C8B: variants seen among roughly 807,000 people sequenced by gnomAD.
C8B encodes complement component C8 beta chain.
Under a neutral mutation model 64.6 loss-of-function variants are expected in C8B, and 67 were observed. The observed-to-expected ratio is 1.04, with a 90% confidence interval of 0.85 to 1.27. The LOEUF (loss-of-function observed/expected upper bound fraction) is 1.27, where lower values mean the gene tolerates loss of function less well. Ranked by LOEUF, C8B falls within the 50% of genes most tolerant of loss-of-function variation. The pLI is 0.00. For missense variants in C8B, 790 were observed against 725.2 expected (o/e 1.09, Z -1.03); for synonymous variants, 284 against 257.7 (o/e 1.10, Z -0.98).
chr1:56,934,626 T>C (rs1001256379), intron 9 of C8B, among the ~76,000 whole-genome samples: 2 of 152,174 alleles, frequency 1.3e-5, no homozygotes, highest in African/African-American at 4.8e-5. Context: ...GAAGCCTCCC[T>C]TGGGAAGAAA....
chr1:56,951,089 A>G (rs1645014353), intron 5 of C8B, among the ~76,000 whole-genome samples: 1 of 152,144 alleles, frequency 6.6e-6, no homozygotes, highest in South Asian at 2.1e-4. Flanking sequence ...TGCAATAAAT[A>G]CATTTTAAAG....
chr1:56,957,044 C>T, intron 2 of C8B, 134 bp from the exon 3 acceptor site: 1 of 911,420 alleles, frequency 1.1e-6, no homozygotes, highest in South Asian at 1.4e-5. Flanking sequence ...TCATCATTCC[C>T]CCAGCCCCTT....
chr1:56,952,025 A>G (rs200183471), intron 5 of C8B, 23 bp downstream of exon 5: 429 of 1,613,354 alleles, frequency 2.7e-4, no homozygotes, highest in Non-Finnish European at 1.7e-4. Context: ...GGCTCCCTCC[A>G]CTGCTACCTG....
chr1:56,956,559 A>T (rs1314953803), intron 3 of C8B, among the ~76,000 whole-genome samples: 1 of 152,210 alleles, frequency 6.6e-6, no homozygotes, highest in Non-Finnish European at 1.5e-5. Context: ...TTTTTAAGGT[A>T]TATAATGAGG....
At chr1:56,933,117 G>C (rs1041163275) in intron 10 of C8B, among the ~76,000 whole-genome samples, 4 of 152,142 alleles carry the variant, frequency 2.6e-5, no homozygotes, top group African/African-American at 9.7e-5. Context: ...CCTTGCTGTG[G>C]ACCACAGGAT....
At chr1:56,963,613 A>C (rs1645210739) in intron 1 of C8B, among the ~76,000 whole-genome samples, 1 of 152,050 alleles carries the variant, frequency 6.6e-6, no homozygotes, top group Non-Finnish European at 1.5e-5. Flanking sequence ...GGGACAACGC[A>C]TTAGTGAGAA....
chr1:56,929,538 A>C lies in C8B; in HGVS notation c.1642T>G (p.Trp548Gly), dbSNP rs2101343704. Residue 548 changes from tryptophan (W) to glycine (G), a missense_variant, in exon 12 of 12, where the codon TGG (tryptophan) becomes GGG (glycine). Transcript: ENST00000371237. ...YRKNTPIDGK[W>G]NCWSNWSSCS... Reference sequence around the variant, plus strand: ...GAAGACCAATTTGACCAGCAATTCCACTTCCCATCAATGGGGGTATCTATA... The same window carrying C: ...GAAGACCAATTTGACCAGCAATTCCCCTTCCCATCAATGGGGGTATCTATA... 1.2e-6 allele frequency: 2 copies of C among 1,613,884 alleles called. No homozygotes were observed. The highest frequency in any genetic ancestry group is 1.7e-6 in the Non-Finnish European group (2 of 1,179,830).
chr1:56,931,718 T>A lies in C8B; in HGVS notation c.1621+92A>T, dbSNP rs1644703682. 20 of 817,062 alleles carry A rather than the reference T, an allele frequency of 2.4e-5. 1 individual carries two copies. In the South Asian group the frequency reaches 2.8e-4, roughly 12 times the overall value. The allele number at this position is 817,062 out of a possible 1,614,324, so 50.6% of individuals were successfully genotyped here. A position where few individuals can be genotyped will look rare whatever the true frequency, so the allele number is the denominator to read the frequency against. The stretch of plus-strand genomic sequence containing the variant: ...GCAGGATGGATCTCAGGTTTCCTAG[T>A]ATCCAGCCCCACACTCCACACCAGC... On this transcript the variant is annotated intron_variant, in intron 11 of 11. Transcript: ENST00000371237.
chr1:56,952,819 A>G (rs1175119699), intron 4 of C8B, among the ~76,000 whole-genome samples: 1 of 152,052 alleles, frequency 6.6e-6, no homozygotes, highest in Non-Finnish European at 1.5e-5. Flanking sequence ...TGAAAATACT[A>G]CCTCATGGGG....
At chr1:56,956,931 G>A in intron 2 of C8B, 21 bp from the exon 3 acceptor site, 5 of 1,613,832 alleles carry the variant, frequency 3.1e-6, no homozygotes, top group South Asian at 1.1e-5. Flanking sequence ...GAGGAGCCAG[G>A]TGAACCAAGG....
intron 2 of C8B, among the ~76,000 whole-genome samples, chr1:56,959,131 T>C (rs1645141641): frequency 6.6e-6 from 1 of 152,226 alleles, no homozygotes; most frequent in African/African-American, 2.4e-5. Flanking sequence ...ATTTATCTGC[T>C]CTGATTTCCT....
chr1:56,930,508 G>A (rs1389321291), intron 11 of C8B, among the ~76,000 whole-genome samples: 10 of 152,202 alleles, frequency 6.6e-5, no homozygotes, highest in Non-Finnish European at 4.4e-5. Flanking sequence ...GACTCACTGG[G>A]AAGATGACTG....
intron 3 of C8B, among the ~76,000 whole-genome samples, chr1:56,955,654 C>G (rs1645092016): frequency 6.6e-6 from 1 of 152,200 alleles, no homozygotes; most frequent in East Asian, 1.9e-4. Flanking sequence ...AAATAACCAT[C>G]ATGGCTTTCA....
intron 2 of C8B, among the ~76,000 whole-genome samples, 186 bp downstream of exon 2, chr1:56,959,834 C>G (rs1645151843): frequency 6.6e-6 from 1 of 152,172 alleles, no homozygotes; most frequent in Non-Finnish European, 1.5e-5. Flanking sequence ...TTGGAAAACA[C>G]TGGAGAACCA....
In C8B at chr1:56,929,552, G is replaced by A. The variant is rs746509547; in HGVS notation, c.1628C>T (p.Pro543Leu). Reference sequence around the variant, plus strand: ...CCAGCAATTCCACTTCCCATCAATGGGGGTATCTATAAGAAAGAAGGTCAA... The same window carrying A: ...CCAGCAATTCCACTTCCCATCAATGAGGGTATCTATAAGAAAGAAGGTCAA... ...ACEVSYRKNTPIDGKWNCWSN... is the reference protein window; with the variant it reads ...ACEVSYRKNTLIDGKWNCWSN... Residue 543 changes from proline (P) to leucine (L), a missense_variant, in exon 12 of 12, where the codon CCC (proline) becomes CTC (leucine). Pro to Leu is a moderately conservative substitution (Grantham distance 98). Transcript: ENST00000371237. 3 of 1,613,762 alleles carry A rather than the reference G, an allele frequency of 1.9e-6. No homozygotes were observed. The highest frequency in any genetic ancestry group is 2.2e-5 in the East Asian group (1 of 44,854).
At chr1:56,943,577 A>T (rs1644896381) in intron 8 of C8B, 119 bp downstream of exon 8, 1 of 1,145,168 alleles carries the variant, frequency 8.7e-7, no homozygotes, top group African/African-American at 1.5e-5. Flanking sequence ...AGAAGGACAT[A>T]GTTGGCCTAG....
chr1:56,943,755 A>G lies in C8B; in HGVS notation c.1175T>C (p.Val392Ala). ...TACAGACACACCCAGACTGACGTAG[A>G]CCTCTTCAATGGCACCACCAATTTT... ...DFKIGGAIEEVYVSLGVSVGK... is the reference protein window; with the variant it reads ...DFKIGGAIEEAYVSLGVSVGK... Residue 392 changes from valine to alanine, a missense_variant, in exon 8 of 12, where the codon GTC (valine) becomes GCC (alanine). Physicochemically the swap from Val to Ala is moderately conservative, Grantham distance 64. Transcript: ENST00000371237. 1.9e-6 allele frequency: 3 copies of G among 1,614,040 alleles called. No individual in the cohort carries two copies. Among genetic ancestry groups the G allele is most frequent in the Non-Finnish European group, 2.5e-6 (3 of 1,179,990 alleles).
chr1:56,956,216 A>G (rs184720672), intron 3 of C8B, among the ~76,000 whole-genome samples: 2 of 152,222 alleles, frequency 1.3e-5, no homozygotes, highest in African/African-American at 4.8e-5. Flanking sequence ...AGGTTTTGTC[A>G]TATTCTACTT....
intron 8 of C8B, 73 bp downstream of exon 8, chr1:56,943,623 G>A (rs1644896901): frequency 1.3e-6 from 2 of 1,554,436 alleles, no homozygotes; most frequent in Non-Finnish European, 1.8e-6. Context: ...AAGGGAGGGA[G>A]GTGTTGTAAT....
Sources: allele counts gnomAD v4.1 joint callset (sites outside exome capture counted in the v4.1 genomes callset), GRCh38; gene constraint gnomAD v4.1.1; transcripts MANE v1.5; gene names NCBI Gene and HGNC (gene_info 2026-07-23, HGNC 2026-07-21).